FBXO41: variants seen among roughly 807,000 people sequenced by gnomAD.
FBXO41 encodes F-box protein 41.
FBXO41 carries 33 observed loss-of-function variants against 81.6 expected under a neutral mutation model. The observed-to-expected ratio is 0.40, with a 90% CI of 0.31 to 0.54. The LOEUF is 0.54. Ranked by LOEUF, FBXO41 falls within the 20% of genes least tolerant of loss-of-function variation. The pLI is 0.39. For synonymous variants in FBXO41, 576 were observed against 552.7 expected (o/e 1.04, Z -0.59); for missense variants, 1,107 against 1,236.0 (o/e 0.90, Z 1.56).
In FBXO41 at chr2:73,266,460, T is replaced by G; in HGVS notation, c.1128A>C (p.Arg376Ser). The change falls in exon 3 of 13, where the codon AGA becomes AGC. Residue 376 changes from arginine (R) to serine (S), a missense_variant. This residue lies in a region of FBXO41 where 771 missense variants were observed against 789.2 expected (regional missense o/e 0.98). Coordinates refer to ENST00000520530, the MANE Select transcript of FBXO41 (RefSeq NM_001371389.2). This position sits in a 1 kb window ranked among gnomAD's most constrained non-coding sequence, Gnocchi z 5.3. ...GAGPNARGPG[R>S]MREHHVGPAV... Reference sequence around the variant, plus strand: ...GGGAAGGCAGGTGGGCACTCACCATTCTGCCTGGGCCCCGGGCATTGGGTC... The same window carrying G: ...GGGAAGGCAGGTGGGCACTCACCATGCTGCCTGGGCCCCGGGCATTGGGTC... The G allele has an allele frequency of 2.7e-6, 4 of 1,503,200 alleles. No individual in the cohort carries two copies. In the South Asian group the frequency reaches 5.1e-5, roughly 19 times the overall value. The allele number at this position is 1,503,200 out of a possible 1,614,324, so 93.1% of individuals were successfully genotyped here. A position where few individuals can be genotyped will look rare whatever the true frequency, so the allele number is the denominator to read the frequency against.
intron 1 of FBXO41, among the ~76,000 whole-genome samples, chr2:73,279,484 G>A (rs1438572173): frequency 6.6e-6 from 1 of 152,200 alleles, no homozygotes; most frequent in East Asian, 1.9e-4. Context: ...CAGAGAGGCA[G>A]AAGAACAAAG....
At chr2:73,263,190 C>T (rs1196526839) in intron 9 of FBXO41, 23 bp downstream of exon 9, 1 of 1,547,194 alleles carries the variant, frequency 6.5e-7, no homozygotes, top group Non-Finnish European at 8.7e-7. Flanking sequence ...CCCCTCCTAT[C>T]CCCCAAACCT....
intron 1 of FBXO41, among the ~76,000 whole-genome samples, chr2:73,273,286 T>G (rs1166333309): frequency 6.6e-6 from 1 of 152,212 alleles, no homozygotes; most frequent in African/African-American, 2.4e-5. Context: ...TGGTGAGGGA[T>G]AGTTGCATTA....
At chr2:73,268,338 G>A (rs1688357041) in intron 2 of FBXO41, among the ~76,000 whole-genome samples, 1 of 152,214 alleles carries the variant, frequency 6.6e-6, no homozygotes, top group Non-Finnish European at 1.5e-5. Flanking sequence ...GGTTATGGCA[G>A]ATGGGAGAAA....
At chr2:73,277,513 T>C (rs2103912114) in intron 1 of FBXO41, among the ~76,000 whole-genome samples, 1 of 152,352 alleles carries the variant, frequency 6.6e-6, no homozygotes, top group Non-Finnish European at 1.5e-5. Flanking sequence ...GCCTCCTTTT[T>C]TGGCCTGGCC....
rs928538970 is a variant in FBXO41 at position 73,264,288 on chromosome 2, A to G, written c.1796T>C (p.Val599Ala). 6.2e-7 allele frequency: 1 copy of G among 1,613,396 alleles called. No individual in the cohort carries two copies. The highest frequency in any genetic ancestry group is 1.3e-5 in the African/African-American group (1 of 75,038). The change falls in exon 6 of 13, where the codon GTC (valine) becomes GCC (alanine). Residue 599 changes from valine to alanine, a missense_variant. Val to Ala is a moderately conservative substitution (Grantham distance 64, BLOSUM62 0). Transcript: ENST00000520530. ...WTRVLLENARVCSKFLAMLAQ... is the reference protein window; with the variant it reads ...WTRVLLENARACSKFLAMLAQ... ...GGCAGGGGCAGGTACCTTGGAGCAG[A>G]CACGGGCATTCTCAAGCAGCACCCT...
chr2:73,272,250 G>GA lies in FBXO41; in HGVS notation c.-138-2483_-138-2482insT, dbSNP rs1688528858. ...GGATGTTGGGAGTGTCTTTCCAACG[G>GA]CCTCAGTAAGGTCCAACAAGCAAGA... On this transcript the variant is annotated intron_variant, in intron 1 of 12. Coordinates refer to ENST00000520530, the MANE Select transcript of FBXO41 (RefSeq NM_001371389.2). 7 of 152,324 alleles carry GA rather than the reference G, an allele frequency of 4.6e-5. No individual in the cohort carries two copies. In the East Asian group the frequency reaches 9.7e-4, roughly 21 times the overall value. The allele number at this position is 152,324 out of a possible 1,614,324, so 9.4% of individuals were successfully genotyped here.
chr2:73,259,701 G>A lies in FBXO41; in HGVS notation c.2450-405C>T, dbSNP rs1245078091. On this transcript the variant is annotated intron_variant, in intron 11 of 12. Transcript: ENST00000520530. This position sits in a 1 kb window ranked among gnomAD's most constrained non-coding sequence, Gnocchi z 4.2. Reference sequence around the variant, plus strand: ...AATACTTGGGGACAGAGGGCTTCAGGGACTGGATATGTCGTGAAGTCGGGG... The same window carrying A: ...AATACTTGGGGACAGAGGGCTTCAGAGACTGGATATGTCGTGAAGTCGGGG... 1.3e-5 allele frequency among the ~76,000 whole-genome samples: 2 copies of A among 152,164 alleles called. No individual in the cohort carries two copies. The highest frequency in any genetic ancestry group is 2.9e-5 in the Non-Finnish European group (2 of 68,030).
At chr2:73,283,420 C>A (rs1688902799) in intron 1 of FBXO41, among the ~76,000 whole-genome samples, 1 of 152,244 alleles carries the variant, frequency 6.6e-6, no homozygotes. Context: ...CTCCTGCAAA[C>A]AGGCATACAC....
intron 1 of FBXO41, among the ~76,000 whole-genome samples, chr2:73,278,667 G>A (rs1574393131): frequency 6.6e-6 from 1 of 152,360 alleles, no homozygotes; most frequent in South Asian, 2.1e-4. Flanking sequence ...GGAATTGGGG[G>A]ACTGGGGAAC....
chr2:73,282,802 G>T (rs1407937265), intron 1 of FBXO41, among the ~76,000 whole-genome samples: 1 of 152,186 alleles, frequency 6.6e-6, no homozygotes, highest in Non-Finnish European at 1.5e-5. Context: ...CCCTCTCTGT[G>T]TCTGTCTCTT....
At position 73,269,465 on chromosome 2, in the gene FBXO41, C is replaced by T; in HGVS notation, c.166G>A (p.Ala56Thr). ...AACCCCGAGGCAGCGGCGGCGGCGG[C>T]CGCGGCGGCGGCGGCGCCGTCGCAG... Reference protein sequence around the residue: ...SICDGAAAAAAAAAAASGFPL... With the variant: ...SICDGAAAAATAAAAASGFPL... The change falls in exon 2 of 13, where the codon GCC becomes ACC. Residue 56 changes from alanine (A) to threonine (T), a missense_variant. Transcript: ENST00000520530. The surrounding 1 kb of genome is among the most constrained non-coding windows in gnomAD (Gnocchi z 7.0). 2 of 1,260,786 alleles carry T rather than the reference C, an allele frequency of 1.6e-6. No individual in the cohort carries two copies. The highest frequency in any genetic ancestry group is 4.7e-5 in the South Asian group (2 of 42,148). The allele number at this position is 1,260,786 out of a possible 1,614,324, so 78.1% of individuals were successfully genotyped here.
Position 73,256,258 on chromosome 2 carries a change from C to T in FBXO41, c.*2724G>A, listed in dbSNP as rs955176667. 6.6e-6 allele frequency: 1 copy of T among 152,176 alleles called. No homozygotes were observed. Among genetic ancestry groups the T allele is most frequent in the Non-Finnish European group, 1.5e-5 (1 of 68,058 alleles). 9.4% of individuals were successfully genotyped at this position (152,176 alleles called of 1,614,324 possible). On this transcript the variant is annotated 3_prime_UTR_variant, in exon 13 of 13. Coordinates refer to ENST00000520530, the MANE Select transcript of FBXO41 (RefSeq NM_001371389.2). Reference sequence around the variant, plus strand: ...TGGGTGGGTAAAGATGGATGAAGTGCTTCTAGGGATAGCCAGGCCCTCTGT... The same window carrying T: ...TGGGTGGGTAAAGATGGATGAAGTGTTTCTAGGGATAGCCAGGCCCTCTGT...
At chr2:73,281,791 G>A (rs1451380769) in intron 1 of FBXO41, among the ~76,000 whole-genome samples, 2 of 152,176 alleles carry the variant, frequency 1.3e-5, no homozygotes, top group Non-Finnish European at 2.9e-5. Flanking sequence ...ATAATAAATC[G>A]CTGTTGTTTT....
intron 9 of FBXO41, among the ~76,000 whole-genome samples, chr2:73,262,937 G>T (rs1688069498): frequency 6.6e-6 from 1 of 152,132 alleles, no homozygotes; most frequent in Non-Finnish European, 1.5e-5. Flanking sequence ...TAGAGACAGG[G>T]TGTCTCCATG....
Position 73,259,332 on chromosome 2 carries a change from C to T in FBXO41, c.2450-36G>A. 1 of 1,576,962 alleles carries T rather than the reference C, an allele frequency of 6.3e-7. No individual in the cohort carries two copies. Among genetic ancestry groups the T allele is most frequent in the Non-Finnish European group, 8.7e-7 (1 of 1,146,624 alleles). On this transcript the variant is annotated intron_variant, in intron 11 of 12. Coordinates refer to ENST00000520530, the MANE Select transcript of FBXO41 (RefSeq NM_001371389.2). The surrounding 1 kb of genome is among the most constrained non-coding windows in gnomAD (Gnocchi z 4.2). ...GTGAGCAAAGTAGGGGCGTGTTTGG[C>T]CTGGGCTGTGGAGCTGCCTCCTCTC...
chr2:73,275,222 C>G (rs1236151163), intron 1 of FBXO41, among the ~76,000 whole-genome samples: 1 of 149,652 alleles, frequency 6.7e-6, no homozygotes, highest in East Asian at 2.0e-4. Context: ...CTTTGTCGCC[C>G]AGGTTGGAGT....
chr2:73,270,639 C>T (rs1688463851), intron 1 of FBXO41, among the ~76,000 whole-genome samples: 1 of 152,092 alleles, frequency 6.6e-6, no homozygotes, highest in African/African-American at 2.4e-5. Flanking sequence ...AGTGTCCCTG[C>T]CCTGCCTTTA....
Position 73,279,048 on chromosome 2 carries a change from C to A in FBXO41, c.-139+5112G>T, listed in dbSNP as rs76592647. Reference sequence around the variant, plus strand: ...GTCAGGAAGAAGGTTGTTGGAACACCGGAAGTGGAAACTATTAACCACGGT... The same window carrying A: ...GTCAGGAAGAAGGTTGTTGGAACACAGGAAGTGGAAACTATTAACCACGGT... On this transcript the variant is annotated intron_variant, in intron 1 of 12. Transcript: ENST00000520530. Among the ~76,000 whole-genome samples, 63 of 152,102 alleles carry A rather than the reference C, an allele frequency of 4.1e-4. 2 individuals carry two copies. The East Asian group carries it at 9.5e-3, about 23-fold the overall frequency.
Sources: allele counts gnomAD v4.1 joint callset (sites outside exome capture counted in the v4.1 genomes callset), GRCh38; gene constraint gnomAD v4.1.1; regional missense constraint gnomAD v4.1.1; non-coding constraint Gnocchi (gnomAD v3.1); transcripts MANE v1.5; gene names NCBI Gene and HGNC (gene_info 2026-07-23, HGNC 2026-07-21).